CADM2: variants seen among roughly 807,000 people sequenced by gnomAD.
CADM2 encodes cell adhesion molecule 2, also known as immunoglobulin superfamily member 4D.
In CADM2, 12 loss-of-function variants were observed where a neutral mutation model predicts 49.8. That is an observed-to-expected ratio of 0.24 (90% CI 0.15 to 0.39). The LOEUF is 0.39. CADM2 is among the 10% of genes least tolerant of loss of function. The probability of loss-of-function intolerance (pLI) is 1.00; values close to 1 mark genes in which losing one functional copy is unlikely to be tolerated. For missense variants in CADM2, 378 were observed against 492.3 expected (o/e 0.77, Z 2.20); for synonymous variants, 214 against 175.4 (o/e 1.22, Z -1.74).
rs1717760465 is a variant in CADM2 at position 85,912,563 on chromosome 3, C to G, written c.700+20C>G. On this transcript the variant is annotated intron_variant, in intron 6 of 9. Transcript: ENST00000383699. ...TACACTGTAAGTAAACACTACTTCC[C>G]CCTCCTTTATCTCAGCAGCAAATCT... 6.2e-7 allele frequency: 1 copy of G among 1,600,210 alleles called. No individual in the cohort carries two copies. Among genetic ancestry groups the G allele is most frequent in the Non-Finnish European group, 8.5e-7 (1 of 1,171,256 alleles).
chr3:85,631,765 T>C (rs190136659), intron 1 of CADM2, among the ~76,000 whole-genome samples: 3 of 152,138 alleles, frequency 2.0e-5, no homozygotes, highest in African/African-American at 4.8e-5. Flanking sequence ...ATATTGTTTT[T>C]TAAAAGTAAA....
intron 5 of CADM2, among the ~76,000 whole-genome samples, chr3:85,904,889 A>G (rs1716584534): frequency 6.6e-6 from 1 of 152,130 alleles, no homozygotes; most frequent in African/African-American, 2.4e-5. Context: ...TTTTATATTC[A>G]AAAAATGTCT....
At chr3:85,430,938 C>T (rs561270375) in intron 1 of CADM2, among the ~76,000 whole-genome samples, 4 of 152,054 alleles carry the variant, frequency 2.6e-5, no homozygotes, top group South Asian at 2.1e-4. Context: ...AAAATAGGAA[C>T]GATGTGATTA....
chr3:85,727,147 C>T (rs1383208550), intron 2 of CADM2, among the ~76,000 whole-genome samples: 1 of 152,052 alleles, frequency 6.6e-6, no homozygotes, highest in Non-Finnish European at 1.5e-5. Context: ...TTGAAAAATT[C>T]AAATACATGT....
intron 1 of CADM2, among the ~76,000 whole-genome samples, chr3:85,652,762 TTTTTC>T (rs56864888): frequency 5.1e-5 from 7 of 135,970 alleles, no homozygotes; most frequent in Admixed American, 7.6e-5. Flanking sequence ...TGAAAATCTT[TTTTTC>T]TTTTCTTTTT....
chr3:85,871,467 G>T (rs1359296712), intron 3 of CADM2, among the ~76,000 whole-genome samples: 1 of 151,996 alleles, frequency 6.6e-6, no homozygotes, highest in Non-Finnish European at 1.5e-5. Context: ...AGATCTATAG[G>T]CTCTAGAGTC....
At chr3:85,374,054 C>T (rs1200707903) in intron 1 of CADM2, among the ~76,000 whole-genome samples, 1 of 152,046 alleles carries the variant, frequency 6.6e-6, no homozygotes, top group African/African-American at 2.4e-5. Flanking sequence ...CTGTAGCAAA[C>T]TTGATTTCTC....
chr3:85,390,553 C>T (rs1171099884), intron 1 of CADM2, among the ~76,000 whole-genome samples: 3 of 152,016 alleles, frequency 2.0e-5, no homozygotes, highest in East Asian at 3.9e-4. Context: ...TATCCAATGT[C>T]TATTCCTGTT....
chr3:85,242,231 T>TA, intron 1 of CADM2, among the ~76,000 whole-genome samples: 1 of 151,626 alleles, frequency 6.6e-6, no homozygotes, highest in South Asian at 2.1e-4. Flanking sequence ...CAATATCACT[T>TA]ATTTTATATT....
chr3:85,216,598 A>G (rs1296321228), intron 1 of CADM2, among the ~76,000 whole-genome samples: 3 of 151,984 alleles, frequency 2.0e-5, no homozygotes, highest in Non-Finnish European at 4.4e-5. Context: ...ACTATTAAAT[A>G]TCATCTCATT....
intron 8 of CADM2, among the ~76,000 whole-genome samples, chr3:85,994,971 G>A (rs559278611): frequency 1.5e-5 from 2 of 131,886 alleles, no homozygotes; most frequent in East Asian, 2.4e-4. Flanking sequence ...AATGGTGCCA[G>A]CCGACTAGGT....
chr3:85,175,513 T>C (rs1004686086), intron 1 of CADM2, among the ~76,000 whole-genome samples: 8 of 152,204 alleles, frequency 5.3e-5, no homozygotes, highest in Admixed American at 4.6e-4. Context: ...AAAAGACAAG[T>C]TGCATATTCC....
intron 1 of CADM2, among the ~76,000 whole-genome samples, chr3:85,167,238 T>C (rs1003542402): frequency 3.9e-5 from 6 of 152,082 alleles, no homozygotes; most frequent in African/African-American, 1.4e-4. Flanking sequence ...CCTCCTATCA[T>C]GCAGTAAGTG....
At chr3:85,622,156 T>G (rs376733326) in intron 1 of CADM2, among the ~76,000 whole-genome samples, 4 of 152,304 alleles carry the variant, frequency 2.6e-5, no homozygotes, top group African/African-American at 9.6e-5. Context: ...TACAGATAGA[T>G]GCCTTCACCA....
chr3:85,853,153 A>G, intron 3 of CADM2, among the ~76,000 whole-genome samples: 1 of 152,088 alleles, frequency 6.6e-6, no homozygotes, highest in Non-Finnish European at 1.5e-5. Context: ...AGCAGTAATT[A>G]AAACCATAAG....
intron 8 of CADM2, among the ~76,000 whole-genome samples, chr3:85,998,443 T>G (rs1729707898): frequency 3.3e-5 from 5 of 152,194 alleles, no homozygotes; most frequent in African/African-American, 1.2e-4. Context: ...AGGAATTGGA[T>G]ATGCAAAGAA....
rs1713112794 is a variant in CADM2 at position 85,883,455 on chromosome 3, G to A, written c.391+12G>A. The A allele has an allele frequency of 1.9e-6, 3 of 1,590,416 alleles. No individual in the cohort carries two copies. The highest frequency in any genetic ancestry group is 1.7e-5 in the Admixed American group (1 of 57,804). ...TCTCACCGTTCTGGGTAAGTGCAAG[G>A]GACTAACACCATGTAATCACAAAAC... On this transcript the variant is annotated intron_variant, in intron 4 of 9. Coordinates refer to ENST00000383699, the MANE Select transcript of CADM2 (RefSeq NM_001167675.2).
intron 1 of CADM2, among the ~76,000 whole-genome samples, chr3:85,365,260 A>G (rs1057290332): frequency 3.6e-5 from 5 of 140,774 alleles, no homozygotes; most frequent in South Asian, 2.3e-4. Context: ...GATGAGGCAC[A>G]TTAAAATGAA....
At position 85,511,871 on chromosome 3, in the gene CADM2, C is replaced by G. The variant is rs899807964; in HGVS notation, c.62-214651C>G. On this transcript the variant is annotated intron_variant, in intron 1 of 9. Coordinates refer to ENST00000383699, the MANE Select transcript of CADM2 (RefSeq NM_001167675.2). ...TTCTGTTTTAGGTAAGCACATTAAT[C>G]ATTCCAGTGTAATCAGACTGCATCA... The G allele has an allele frequency of 4.1e-6, 4 of 982,966 alleles. No individual in the cohort carries two copies. In the African/African-American group the frequency reaches 5.2e-5, roughly 13 times the overall value. 60.9% of individuals were successfully genotyped at this position (982,966 alleles called of 1,614,324 possible).
Sources: allele counts gnomAD v4.1 joint callset (sites outside exome capture counted in the v4.1 genomes callset), GRCh38; gene constraint gnomAD v4.1.1; transcripts MANE v1.5; gene names NCBI Gene and HGNC (gene_info 2026-07-23, HGNC 2026-07-21).